Variants in GBF1 observed in about 807,000 individuals in gnomAD.
The protein encoded by GBF1 is Golgi-specific brefeldin A-resistance guanine nucleotide exchange factor 1.
In GBF1, 114 loss-of-function variants were observed where a neutral mutation model predicts 210.5. The observed-to-expected ratio is 0.54, with a 90% CI of 0.47 to 0.63. The LOEUF is 0.63. Ranked by LOEUF, GBF1 falls within the 30% of genes least tolerant of loss-of-function variation. The probability of loss-of-function intolerance (pLI) is 0.00; values close to 1 mark genes in which losing one functional copy is unlikely to be tolerated. For synonymous variants in GBF1, 850 were observed against 889.2 expected (o/e 0.96, Z 0.78); for missense variants, 1,851 against 2,357.7 (o/e 0.79, Z 4.45).
At position 102,368,162 on chromosome 10, in the gene GBF1, T is replaced by C. The variant is rs982575089; in HGVS notation, c.2643-56T>C. On this transcript the variant is annotated intron_variant, in intron 21 of 39. Coordinates refer to ENST00000369983, the MANE Select transcript of GBF1 (RefSeq NM_001377137.1). ...GTATGGATGAACTCCTAGTCTTGGT[T>C]TGGAACTAGTCAGGTTCAAAGCAGT... is the stretch of plus-strand genomic sequence containing the variant. The C allele has an allele frequency of 2.0e-5, 23 of 1,128,126 alleles. No individual in the cohort carries two copies. The African/African-American group carries it at 3.2e-4, about 16-fold the overall frequency. 69.9% of individuals were successfully genotyped at this position (1,128,126 alleles called of 1,614,324 possible).
At chr10:102,293,764 G>GTTTTTATTTTTTTT in intron 3 of GBF1, among the ~76,000 whole-genome samples, 2 of 50,888 alleles carry the variant, frequency 3.9e-5, no homozygotes, top group South Asian at 9.8e-4. Context: ...GCTGTAGTAT[G>GTTTTTATTTTTTTT]TTTTGTGTTT....
intron 28 of GBF1, 21 bp downstream of exon 28, chr10:102,370,499 AGGCAGACCCCATGCTG>A (rs781067648): frequency 7.2e-5 from 113 of 1,566,748 alleles, no homozygotes; most frequent in Admixed American, 2.2e-4. Flanking sequence ...CGTAGTCTTT[AGGCAGACCCCATGCTG>A]GGCTTGTGCC....
intron 3 of GBF1, among the ~76,000 whole-genome samples, chr10:102,343,732 C>T (rs1310322914): frequency 1.3e-5 from 2 of 151,416 alleles, no homozygotes; most frequent in East Asian, 1.9e-4. Flanking sequence ...GGGCTTGAGC[C>T]CTGGAGGTGG....
chr10:102,365,689 T>C, intron 18 of GBF1, 90 bp downstream of exon 18: 1 of 1,102,560 alleles, frequency 9.1e-7, no homozygotes, highest in South Asian at 1.3e-5. Context: ...GGCAGGCAGA[T>C]CACTCGAGCT....
intron 3 of GBF1, among the ~76,000 whole-genome samples, chr10:102,297,429 T>G (rs2076998365): frequency 6.6e-6 from 1 of 152,250 alleles, no homozygotes; most frequent in Non-Finnish European, 1.5e-5. Context: ...CATGCTTAAT[T>G]TAAAAGCCTA....
Position 102,379,372 on chromosome 10 carries a change from G to C in GBF1, c.4583G>C (p.Gly1528Ala). ...AEEQRHLETG[G>A]QKIEADSRTL... The stretch of plus-strand genomic sequence containing the variant: ...GAGCAACGCCACCTGGAGACAGGTG[G>C]CCAGAAGATTGAAGCTGATTCTCGC... The change falls in exon 34 of 40, where the codon GGC becomes GCC. Residue 1528 changes from glycine (G) to alanine (A), a missense_variant. By Grantham distance (60) the Gly-to-Ala change is moderately conservative. Coordinates refer to ENST00000369983, the MANE Select transcript of GBF1 (RefSeq NM_001377137.1). 6.2e-7 allele frequency: 1 copy of C among 1,614,102 alleles called. No individual in the cohort carries two copies. The highest frequency in any genetic ancestry group is 8.5e-7 in the Non-Finnish European group (1 of 1,180,026).
chr10:102,292,033 G>T (rs761892076), intron 3 of GBF1, among the ~76,000 whole-genome samples: 3 of 151,674 alleles, frequency 2.0e-5, no homozygotes, highest in Non-Finnish European at 4.4e-5. Context: ...GGGACTACAG[G>T]CGCCCACCAC....
At chr10:102,248,021 GGAA>G (rs372979287) in intron 1 of GBF1, among the ~76,000 whole-genome samples, 12 of 152,326 alleles carry the variant, frequency 7.9e-5, no homozygotes, top group African/African-American at 2.9e-4. Context: ...CAGCTAAAGA[GGAA>G]GAAGACACAG....
chr10:102,362,480 C>T lies in GBF1; in HGVS notation c.1692C>T (p.Ala564=). The T allele has an allele frequency of 6.2e-7, 1 of 1,606,834 alleles. No homozygotes were observed. The highest frequency in any genetic ancestry group is 8.5e-7 in the Non-Finnish European group (1 of 1,173,884). Residue 564 remains alanine, a synonymous_variant, in exon 15 of 40, where the codon GCC becomes GCT. Transcript: ENST00000369983. The part of the protein sequence containing the change: ...EELTKLLSKN[A]FPVSGQLYTT... Reference sequence around the variant, plus strand: ...TTGATCTGTTTACTTTCCAGAATGCCTTCCCTGTGTCTGGTCAACTCTATA... The same window carrying T: ...TTGATCTGTTTACTTTCCAGAATGCTTTCCCTGTGTCTGGTCAACTCTATA...
At position 102,370,390 on chromosome 10, in the gene GBF1, G is replaced by C. The variant is rs751053239; in HGVS notation, c.3418G>C (p.Val1140Leu). ...ESLQELMKAL[V>L]SVTPDEETYD... The stretch of plus-strand genomic sequence containing the variant: ...TGCTGCTGTTCCCCTTCAGGCTCTG[G>C]TCTCAGTGACACCAGATGAAGAGAC... The change falls in exon 28 of 40, where the codon GTC (valine) becomes CTC (leucine). Residue 1140 changes from valine (V) to leucine (L), a missense_variant. Transcript: ENST00000369983. 1 of 1,609,442 alleles carries C rather than the reference G, an allele frequency of 6.2e-7. No individual in the cohort carries two copies. Among genetic ancestry groups the C allele is most frequent in the Non-Finnish European group, 8.5e-7 (1 of 1,175,674 alleles).
At chr10:102,323,871 C>G (rs928708897) in intron 3 of GBF1, among the ~76,000 whole-genome samples, 2 of 152,072 alleles carry the variant, frequency 1.3e-5, no homozygotes, top group African/African-American at 4.8e-5. Flanking sequence ...ATACAGAGTT[C>G]ACTTGAGCAT....
chr10:102,379,459 G>T, intron 34 of GBF1, 25 bp downstream of exon 34: 1 of 1,613,980 alleles, frequency 6.2e-7, no homozygotes, highest in South Asian at 1.1e-5. Flanking sequence ...GCAGAGGTAG[G>T]GAGTTTGGGG....
chr10:102,365,986 G>A (rs2059893332), intron 18 of GBF1, among the ~76,000 whole-genome samples: 2 of 151,936 alleles, frequency 1.3e-5, no homozygotes, highest in South Asian at 4.1e-4. Context: ...TTAGTGATCA[G>A]TTTAAAGGGA....
At chr10:102,325,678 CT>C (rs2056844965) in intron 3 of GBF1, among the ~76,000 whole-genome samples, 1 of 151,666 alleles carries the variant, frequency 6.6e-6, no homozygotes, top group Non-Finnish European at 1.5e-5. Context: ...AAGACACAGT[CT>C]CACTCTGTCA....
intron 3 of GBF1, among the ~76,000 whole-genome samples, chr10:102,284,108 C>T (rs1211516190): frequency 6.6e-6 from 1 of 152,078 alleles, no homozygotes; most frequent in Non-Finnish European, 1.5e-5. Flanking sequence ...CTGCTTGTCT[C>T]TACAAAAACT....
chr10:102,354,501 A>C (rs553789356), intron 8 of GBF1, among the ~76,000 whole-genome samples: 20 of 151,776 alleles, frequency 1.3e-4, no homozygotes, highest in African/African-American at 4.8e-4. Context: ...TCCCCTTTTT[A>C]TTTCTTTCAA....
intron 29 of GBF1, among the ~76,000 whole-genome samples, chr10:102,372,942 T>C (rs1475105452): frequency 6.6e-6 from 1 of 152,090 alleles, no homozygotes; most frequent in East Asian, 1.9e-4. Flanking sequence ...AGACTCTCTT[T>C]CAAAAAAAGT....
chr10:102,341,898 C>G (rs745327431), intron 3 of GBF1, among the ~76,000 whole-genome samples: 1 of 152,016 alleles, frequency 6.6e-6, no homozygotes, highest in Admixed American at 6.6e-5. Context: ...TGTACCTGTC[C>G]CGATTCTCAA....
At chr10:102,277,197 C>T (rs1029007082) in intron 3 of GBF1, among the ~76,000 whole-genome samples, 1 of 152,070 alleles carries the variant, frequency 6.6e-6, no homozygotes, top group African/African-American at 2.4e-5. Flanking sequence ...GTGGCATGTG[C>T]CTGCTGTTCC....
Sources: allele counts gnomAD v4.1 joint callset (sites outside exome capture counted in the v4.1 genomes callset), GRCh38; gene constraint gnomAD v4.1.1; transcripts MANE v1.5; gene names NCBI Gene and HGNC (gene_info 2026-07-23, HGNC 2026-07-21).